Variants in SLC25A26 observed in about 807,000 individuals in gnomAD.
The protein encoded by SLC25A26 is mitochondrial S-adenosylmethionine carrier protein.
SLC25A26 carries 36 observed loss-of-function variants against 37.8 expected under a neutral mutation model. The ratio of observed to expected loss-of-function variants is 0.95; its 90% CI spans 0.73 to 1.26. SLC25A26 has a LOEUF of 1.26. SLC25A26 is among the 50% of genes most tolerant of loss of function. The pLI is 0.00. For synonymous variants in SLC25A26, 129 were observed against 122.5 expected, an observed-to-expected ratio of 1.05 and a Z score of -0.35; for missense variants, 390 against 331.1, an observed-to-expected ratio of 1.18 and a Z score of -1.38.
intron 1 of SLC25A26, among the ~76,000 whole-genome samples, chr3:66,191,916 A>T (rs1160498098): frequency 2.0e-5 from 3 of 151,792 alleles, no homozygotes; most frequent in Non-Finnish European, 4.4e-5. Context: ...CAAATAATAA[A>T]AAAAAAAAGT....
chr3:66,180,814 C>G (rs1008458130), intron 1 of SLC25A26, among the ~76,000 whole-genome samples: 1 of 152,104 alleles, frequency 6.6e-6, no homozygotes, highest in African/African-American at 2.4e-5. Flanking sequence ...CCCTCAGATT[C>G]ATGTGTTGAA....
intron 1 of SLC25A26, among the ~76,000 whole-genome samples, chr3:66,142,344 C>A (rs2070048208): frequency 6.6e-6 from 1 of 152,222 alleles, no homozygotes. Flanking sequence ...GTTCAGGACC[C>A]ACTACCCTAA....
intron 1 of SLC25A26, 39 bp from the exon 2 acceptor site, chr3:66,236,505 C>CA (rs2072293406): frequency 7.1e-6 from 9 of 1,267,598 alleles, no homozygotes; most frequent in Non-Finnish European, 8.3e-6. Flanking sequence ...TTGTTGTAAC[C>CA]TTTTTTTTTT....
chr3:66,140,595 GTTC>G (rs979279868), intron 1 of SLC25A26, among the ~76,000 whole-genome samples: 2 of 152,182 alleles, frequency 1.3e-5, no homozygotes, highest in African/African-American at 4.8e-5. Flanking sequence ...CCGTAAATCT[GTTC>G]ATTCACCTGA....
intron 5 of SLC25A26, among the ~76,000 whole-genome samples, chr3:66,310,784 G>A (rs2075354425): frequency 6.6e-6 from 1 of 152,184 alleles, no homozygotes; most frequent in Admixed American, 6.5e-5. Context: ...ATTCTGGGTT[G>A]AAAGTTCTTT....
chr3:66,297,603 T>A, intron 5 of SLC25A26, among the ~76,000 whole-genome samples: 1 of 152,306 alleles, frequency 6.6e-6, no homozygotes. Flanking sequence ...TTTCCTTTTT[T>A]AAAAAATAGT....
intron 1 of SLC25A26, among the ~76,000 whole-genome samples, chr3:66,209,911 T>TAC (rs2071259712): frequency 3.3e-4 from 9 of 27,426 alleles, no homozygotes; most frequent in African/African-American, 8.6e-4. Flanking sequence ...TATATATATA[T>TAC]ATATATATAT....
In SLC25A26 at chr3:66,238,749, C is replaced by A. The variant is rs146075280; in HGVS notation, c.190+2049C>A. The stretch of plus-strand genomic sequence containing the variant: ...TCATAAGGAAGAGAAAACGTATATT[C>A]AGTAAGTGGAAGTGGATCATCATAA... On this transcript the variant is annotated intron_variant, in intron 2 of 9. Transcript: ENST00000354883. Among the ~76,000 whole-genome samples the A allele has an allele frequency of 4.6e-5, 7 of 151,856 alleles. No individual in the cohort carries two copies. The East Asian group carries it at 1.2e-3, about 25-fold the overall frequency.
At chr3:66,281,130 A>G (rs561897024) in intron 5 of SLC25A26, among the ~76,000 whole-genome samples, 8 of 152,300 alleles carry the variant, frequency 5.3e-5, no homozygotes, top group South Asian at 4.1e-4. Flanking sequence ...AAACGGTCCC[A>G]TAATCTGGAT....
rs76339543 is a variant in SLC25A26, at chr3:66,354,048, A to G, written c.498+7640A>G. Reference sequence around the variant, plus strand: ...TACATTCTTTTAAAGGTATGTTCACAGCTATAAAGAGTTTTCCCTTTTTAA... The same window carrying G: ...TACATTCTTTTAAAGGTATGTTCACGGCTATAAAGAGTTTTCCCTTTTTAA... On this transcript the variant is annotated intron_variant, in intron 6 of 9. Transcript: ENST00000354883. Among the ~76,000 whole-genome samples the G allele has an allele frequency of 3.0e-3, 454 of 152,364 alleles. 3 individuals are homozygous for G. The highest frequency in any genetic ancestry group is 0.016 in the East Asian group (84 of 5,192).
At chr3:66,140,294 G>A (rs1173749256) in intron 1 of SLC25A26, among the ~76,000 whole-genome samples, 2 of 152,226 alleles carry the variant, frequency 1.3e-5, no homozygotes, top group Non-Finnish European at 2.9e-5. Context: ...GTGGAAGAAT[G>A]GAATGTGTAT....
rs1005683659 is a variant in SLC25A26, at chr3:66,357,895, G to C, written c.499-4965G>C. ...CAGTTTTCCCATTTACTATCTATGT[G>C]ACCTCAGGCAAATCTCCTAGAACTT... is the stretch of plus-strand genomic sequence containing the variant. On this transcript the variant is annotated intron_variant, in intron 6 of 9. Transcript: ENST00000354883. Among the ~76,000 whole-genome samples the C allele has an allele frequency of 3.3e-5, 5 of 152,160 alleles. No homozygotes were observed. In the East Asian group the frequency reaches 9.6e-4, roughly 29 times the overall value.
intron 3 of SLC25A26, among the ~76,000 whole-genome samples, chr3:66,251,517 C>G (rs1040023104): frequency 1.3e-5 from 2 of 152,254 alleles, no homozygotes; most frequent in East Asian, 3.9e-4. Context: ...TAAGCATGCC[C>G]CATCTTGCCA....
At chr3:66,247,330 A>G (rs2072895781) in intron 3 of SLC25A26, among the ~76,000 whole-genome samples, 2 of 152,050 alleles carry the variant, frequency 1.3e-5, no homozygotes, top group African/African-American at 4.8e-5. Flanking sequence ...TGAATGAATG[A>G]TGGGGTCTCA....
chr3:66,314,166 G>C (rs547246663), intron 5 of SLC25A26, among the ~76,000 whole-genome samples: 2 of 152,288 alleles, frequency 1.3e-5, no homozygotes, highest in African/African-American at 4.8e-5. Flanking sequence ...TTGAATAGGA[G>C]TGGTGAGCGA....
intron 1 of SLC25A26, among the ~76,000 whole-genome samples, chr3:66,233,148 A>G (rs574258604): frequency 6.6e-6 from 1 of 152,366 alleles, no homozygotes; most frequent in Non-Finnish European, 1.5e-5. Flanking sequence ...GGGAGCAGCA[A>G]TGCTGTTTTT....
intron 1 of SLC25A26, among the ~76,000 whole-genome samples, chr3:66,170,493 T>A (rs1165087177): frequency 2.0e-5 from 3 of 152,308 alleles, no homozygotes; most frequent in Non-Finnish European, 4.4e-5. Flanking sequence ...GAAGAGCGCA[T>A]GGTACTATAT....
chr3:66,157,018 A>G (rs1285711604), intron 1 of SLC25A26, among the ~76,000 whole-genome samples: 1 of 152,116 alleles, frequency 6.6e-6, no homozygotes, highest in Non-Finnish European at 1.5e-5. Context: ...AGGTCTCTTG[A>G]GCTCAGGAGT....
At chr3:66,352,435 GTTTTTTGT>G (rs1047337893) in intron 6 of SLC25A26, among the ~76,000 whole-genome samples, 3 of 131,176 alleles carry the variant, frequency 2.3e-5, no homozygotes, top group Admixed American at 7.8e-5. Flanking sequence ...TTTGTTTTTT[GTTTTTTGT>G]TTTTTTTTTT....
Sources: allele counts gnomAD v4.1 joint callset (sites outside exome capture counted in the v4.1 genomes callset), GRCh38; gene constraint gnomAD v4.1.1; transcripts MANE v1.5; gene names NCBI Gene and HGNC (gene_info 2026-07-23, HGNC 2026-07-21).